Variants in SMARCC1 observed in about 807,000 individuals in gnomAD.
The protein encoded by SMARCC1 is SWI/SNF complex subunit SMARCC1.
Under a neutral mutation model 147.4 loss-of-function variants are expected in SMARCC1, and 43 were observed. The observed-to-expected ratio is 0.29, with a 90% CI of 0.23 to 0.38. SMARCC1 has a LOEUF of 0.38. Ranked by LOEUF, SMARCC1 falls within the 10% of genes least tolerant of loss-of-function variation. The pLI is 1.00. For missense variants in SMARCC1, 1,119 were observed against 1,381.1 expected (o/e 0.81, Z 3.01); for synonymous variants, 495 against 484.4 (o/e 1.02, Z -0.29).
At chr3:47,736,481 C>T (rs2034445086) in intron 4 of SMARCC1, among the ~76,000 whole-genome samples, 1 of 151,526 alleles carries the variant, frequency 6.6e-6, no homozygotes, top group Non-Finnish European at 1.5e-5. Context: ...CAAGACCATC[C>T]TGGCTAACAC....
At chr3:47,660,157 A>G (rs191571761) in intron 21 of SMARCC1, among the ~76,000 whole-genome samples, 10 of 152,252 alleles carry the variant, frequency 6.6e-5, no homozygotes, top group African/African-American at 2.4e-4. Flanking sequence ...ATAAAAGTGG[A>G]AACAATAGGC....
At chr3:47,746,787 A>G (rs2034569045) in intron 2 of SMARCC1, among the ~76,000 whole-genome samples, 3 of 146,302 alleles carry the variant, frequency 2.1e-5, no homozygotes, top group Admixed American at 7.0e-5. Flanking sequence ...CTGGAGTGCA[A>G]TGGTGCTATC....
intron 6 of SMARCC1, among the ~76,000 whole-genome samples, chr3:47,725,061 A>G (rs1380971147): frequency 6.8e-6 from 1 of 146,348 alleles, no homozygotes; most frequent in Non-Finnish European, 1.5e-5. Context: ...AAAAAAATCT[A>G]TTGCACGACA....
In SMARCC1 at chr3:47,727,332, C is replaced by A. The variant is rs375801664; in HGVS notation, c.646+1693G>T. ...GACCAACCTGGCCAAGACGGTGAAA[C>A]CCCATCTCTACTAAAAATACAAAAA... On this transcript the variant is annotated intron_variant, in intron 6 of 27. Transcript: ENST00000254480. Among the ~76,000 whole-genome samples, 108 of 151,676 alleles carry A rather than the reference C, an allele frequency of 7.1e-4. 1 individual carries two copies. The highest frequency in any genetic ancestry group is 2.5e-3 in the African/African-American group (104 of 41,390).
At chr3:47,731,863 T>C (rs1286351177) in intron 5 of SMARCC1, among the ~76,000 whole-genome samples, 3 of 152,158 alleles carry the variant, frequency 2.0e-5, no homozygotes, top group African/African-American at 4.8e-5. Context: ...TGTACAATAA[T>C]CTGTAGGGCC....
intron 2 of SMARCC1, among the ~76,000 whole-genome samples, chr3:47,747,348 G>A (rs1402530829): frequency 6.6e-6 from 1 of 151,402 alleles, no homozygotes; most frequent in African/African-American, 2.4e-5. Flanking sequence ...GAGGTAGGAG[G>A]ATGGCTTGAA....
At chr3:47,608,199 T>C (rs2032509038) in intron 26 of SMARCC1, among the ~76,000 whole-genome samples, 1 of 152,198 alleles carries the variant, frequency 6.6e-6, no homozygotes, top group Admixed American at 6.5e-5. Flanking sequence ...GCAATACCCA[T>C]GCCTCAGCCT....
chr3:47,715,795 G>A (rs2034148894), intron 7 of SMARCC1, among the ~76,000 whole-genome samples: 1 of 152,096 alleles, frequency 6.6e-6, no homozygotes, highest in Non-Finnish European at 1.5e-5. Flanking sequence ...GAGCCACACA[G>A]GCTTTGATAA....
chr3:47,627,853 T>C (rs1191498831), intron 24 of SMARCC1, among the ~76,000 whole-genome samples: 2 of 152,040 alleles, frequency 1.3e-5, no homozygotes, highest in Non-Finnish European at 1.5e-5. Context: ...CCCGAGTAGA[T>C]AGGATTATAG....
chr3:47,762,763 A>T (rs2034788980), intron 2 of SMARCC1, among the ~76,000 whole-genome samples: 1 of 152,166 alleles, frequency 6.6e-6, no homozygotes, highest in Admixed American at 6.5e-5. Flanking sequence ...CGCTACTAAA[A>T]ATATAAGAAT....
intron 7 of SMARCC1, among the ~76,000 whole-genome samples, chr3:47,716,181 C>T (rs2034153454): frequency 6.6e-6 from 1 of 151,502 alleles, no homozygotes; most frequent in South Asian, 2.1e-4. Context: ...TTTGGGAGGC[C>T]AAGGCAGTGG....
At chr3:47,714,542 T>C in intron 7 of SMARCC1, 52 bp from the exon 8 acceptor site, 1 of 883,606 alleles carries the variant, frequency 1.1e-6, no homozygotes, top group African/African-American at 1.7e-5. Context: ...GGTAATTCAT[T>C]AGAAAGACTT....
In SMARCC1 at chr3:47,586,303, G is replaced by C. The variant is rs923230856; in HGVS notation, c.*1906C>G. 1 of 152,204 alleles carries C rather than the reference G, an allele frequency of 6.6e-6. No homozygotes were observed. Among genetic ancestry groups the C allele is most frequent in the Admixed American group, 6.5e-5 (1 of 15,278 alleles). 9.4% of individuals were successfully genotyped at this position (152,204 alleles called of 1,614,324 possible). On this transcript the variant is annotated 3_prime_UTR_variant, in exon 28 of 28. Coordinates refer to ENST00000254480, the MANE Select transcript of SMARCC1 (RefSeq NM_003074.4). ...TCTCGGACTCCAGGGGAAAAAAGAA[G>C]TATTTGGAATGAGTTTCCTTTGGGA...
intron 24 of SMARCC1, among the ~76,000 whole-genome samples, chr3:47,630,776 T>C (rs948934028): frequency 3.8e-4 from 58 of 151,988 alleles, no homozygotes; most frequent in African/African-American, 1.4e-3. Flanking sequence ...CCAGAAAGAG[T>C]TTCATGCTGG....
intron 2 of SMARCC1, among the ~76,000 whole-genome samples, chr3:47,762,132 G>A (rs963356273): frequency 7.2e-5 from 11 of 152,122 alleles, no homozygotes; most frequent in Admixed American, 6.6e-4. Flanking sequence ...CTCAGAGAGA[G>A]GACTATTAAG....
intron 19 of SMARCC1, among the ~76,000 whole-genome samples, chr3:47,666,512 A>C (rs1349273257): frequency 6.6e-6 from 1 of 152,016 alleles, no homozygotes; most frequent in Non-Finnish European, 1.5e-5. Context: ...AAACCACAGG[A>C]AACTGAACTA....
chr3:47,717,817 T>A (rs546058071), intron 7 of SMARCC1, among the ~76,000 whole-genome samples: 1 of 152,072 alleles, frequency 6.6e-6, no homozygotes, highest in East Asian at 1.9e-4. Flanking sequence ...TCCACCCACC[T>A]CAGCCTCCCA....
chr3:47,700,989 G>A (rs1394139763), intron 11 of SMARCC1, among the ~76,000 whole-genome samples: 1 of 152,124 alleles, frequency 6.6e-6, no homozygotes. Context: ...ATATAGGTAC[G>A]TATTCCACTT....
chr3:47,608,443 G>A (rs566236693), intron 26 of SMARCC1, among the ~76,000 whole-genome samples: 15 of 152,232 alleles, frequency 9.9e-5, no homozygotes, highest in East Asian at 7.7e-4. Context: ...CAATTTAGTC[G>A]AATGGGGATT....
Sources: gnomAD v4.1 joint callset for allele counts (sites outside exome capture counted in the v4.1 genomes callset) on GRCh38, gnomAD v4.1.1 for gene constraint, MANE v1.5 for transcripts, NCBI Gene and HGNC (gene_info 2026-07-23, HGNC 2026-07-21) for gene names.